Variants in GPR158 observed in about 807,000 individuals in gnomAD.
GPR158 encodes the protein metabotropic glycine receptor.
GPR158 carries 30 observed loss-of-function variants against 78.2 expected under a neutral mutation model. The ratio of observed to expected loss-of-function variants is 0.38; its 90% CI spans 0.29 to 0.52. The LOEUF is 0.52. Ranked by LOEUF, GPR158 falls within the 20% of genes least tolerant of loss-of-function variation. GPR158 has a pLI of 0.83. For missense variants in GPR158, 1,463 were observed against 1,523.5 expected (o/e 0.96, Z 0.66); for synonymous variants, 581 against 591.1 (o/e 0.98, Z 0.25).
intron 5 of GPR158, among the ~76,000 whole-genome samples, chr10:25,483,357 T>C (rs1042883963): frequency 3.3e-5 from 5 of 152,074 alleles, no homozygotes; most frequent in African/African-American, 1.2e-4. Flanking sequence ...GCGCTTGCAC[T>C]GACTATTGCT....
chr10:25,449,861 A>C lies in GPR158; in HGVS notation c.1336-16790A>C, dbSNP rs540758453. Among the ~76,000 whole-genome samples, 38 of 152,244 alleles carry C rather than the reference A, an allele frequency of 2.5e-4. 1 individual carries two copies. Among genetic ancestry groups the C allele is most frequent in the Admixed American group, 7.8e-4 (12 of 15,300 alleles). ...AATTTTCCAATTAAAATTTTTAAAAAATTTATCCCAATACACCCAGTTATA... is the reference window on the plus strand; with the variant it reads ...AATTTTCCAATTAAAATTTTTAAAACATTTATCCCAATACACCCAGTTATA... On this transcript the variant is annotated intron_variant, in intron 4 of 10. Coordinates refer to ENST00000376351, the MANE Select transcript of GPR158 (RefSeq NM_020752.3).
chr10:25,514,437 C>T (rs1318023107), intron 5 of GPR158, among the ~76,000 whole-genome samples: 1 of 152,026 alleles, frequency 6.6e-6, no homozygotes, highest in Non-Finnish European at 1.5e-5. Context: ...TTGAAGACAG[C>T]AGTTACTTGG....
At position 25,175,940 on chromosome 10, in the gene GPR158, G is replaced by C. The variant is rs756345759; in HGVS notation, c.520G>C (p.Ala174Pro). Reference sequence around the variant, plus strand: ...GGAGGGCGAGCCCAGCATCTCCCGGGCGGCCATCACCTTCAGCACCGATTC... The same window carrying C: ...GGAGGGCGAGCCCAGCATCTCCCGGCCGGCCATCACCTTCAGCACCGATTC... ...LLEGEPSISR[A>P]AITFSTDSLS... The change falls in exon 1 of 11, where the codon GCG (alanine) becomes CCG (proline). Residue 174 changes from alanine (A) to proline (P), a missense_variant. Coordinates refer to ENST00000376351, the MANE Select transcript of GPR158 (RefSeq NM_020752.3). This position sits in a 1 kb window ranked among gnomAD's most constrained non-coding sequence, Gnocchi z 6.4. 1 of 1,613,520 alleles carries C rather than the reference G, an allele frequency of 6.2e-7. No homozygotes were observed. Among genetic ancestry groups the C allele is most frequent in the Non-Finnish European group, 8.5e-7 (1 of 1,179,978 alleles).
chr10:25,467,702 G>T (rs1835444260), intron 5 of GPR158, among the ~76,000 whole-genome samples: 1 of 152,148 alleles, frequency 6.6e-6, no homozygotes, highest in South Asian at 2.1e-4. Flanking sequence ...CAAGAGAAGA[G>T]TGGGCTGGTC....
In GPR158 at chr10:25,204,616, G is replaced by C. The variant is rs1852989816; in HGVS notation, c.903-16436G>C. On this transcript the variant is annotated intron_variant, in intron 1 of 10. Transcript: ENST00000376351. The stretch of plus-strand genomic sequence containing the variant: ...CAGGGTTGAAGCCCACTTGATCATG[G>C]TGGATAAGCTTTTTGATGTCCTGTT... 2.0e-5 allele frequency among the ~76,000 whole-genome samples: 3 copies of C among 152,170 alleles called. No homozygotes were observed. In the South Asian group the frequency reaches 6.2e-4, roughly 32 times the overall value.
chr10:25,337,339 G>T (rs915165994), intron 2 of GPR158, among the ~76,000 whole-genome samples: 1 of 151,960 alleles, frequency 6.6e-6, no homozygotes, highest in Non-Finnish European at 1.5e-5. Flanking sequence ...TTCCTCAAGG[G>T]TAAACACATT....
At chr10:25,494,513 T>G (rs78528633) in intron 5 of GPR158, among the ~76,000 whole-genome samples, 1 of 152,214 alleles carries the variant, frequency 6.6e-6, no homozygotes, top group East Asian at 1.9e-4. Flanking sequence ...GGATTGCTAC[T>G]GTAGATAATA....
intron 5 of GPR158, among the ~76,000 whole-genome samples, chr10:25,533,826 C>G (rs1836456252): frequency 6.6e-6 from 1 of 152,116 alleles, no homozygotes; most frequent in Non-Finnish European, 1.5e-5. Context: ...AGCTCAGACT[C>G]CAGACCCCAG....
intron 2 of GPR158, among the ~76,000 whole-genome samples, chr10:25,354,384 G>A (rs114098381): frequency 6.6e-6 from 1 of 150,900 alleles, no homozygotes; most frequent in African/African-American, 2.4e-5. Context: ...ATTAAGGAGA[G>A]GACAACTTAC....
chr10:25,329,253 G>C (rs1855083269), intron 2 of GPR158, among the ~76,000 whole-genome samples: 1 of 151,882 alleles, frequency 6.6e-6, no homozygotes, highest in South Asian at 2.1e-4. Context: ...TGGCTAACAC[G>C]GTGAAACCCT....
intron 4 of GPR158, among the ~76,000 whole-genome samples, chr10:25,422,690 A>G (rs1834767141): frequency 1.3e-5 from 2 of 149,006 alleles, no homozygotes; most frequent in South Asian, 4.2e-4. Context: ...CTGAGATTGG[A>G]GAATTTCTTG....
At chr10:25,516,864 G>C (rs1292706429) in intron 5 of GPR158, among the ~76,000 whole-genome samples, 2 of 125,812 alleles carry the variant, frequency 1.6e-5, no homozygotes, top group East Asian at 4.5e-4. Context: ...GCTCTTTTTT[G>C]GTTCCATATG....
rs1837501203 is a variant in GPR158, at chr10:25,601,683, G to A, written c.*2409G>A. 6.6e-6 allele frequency: 1 copy of A among 152,594 alleles called. No individual in the cohort carries two copies. The highest frequency in any genetic ancestry group is 1.5e-5 in the Non-Finnish European group (1 of 68,028). The allele number at this position is 152,594 out of a possible 1,614,324, so 9.5% of individuals were successfully genotyped here. A position where few individuals can be genotyped will look rare whatever the true frequency, so the allele number is the denominator to read the frequency against. ...TTCATTGCCATTATCAACAAGAGAA[G>A]TTGAAATTTACAAGTCAGGAGGTTA... On this transcript the variant is annotated 3_prime_UTR_variant, in exon 11 of 11. Coordinates refer to ENST00000376351, the MANE Select transcript of GPR158 (RefSeq NM_020752.3).
In GPR158 at chr10:25,598,043, C is replaced by A. The variant is rs1209605065; in HGVS notation, c.2417C>A (p.Thr806Asn). ...AACACAGGGAAATCCAAGGAGGAGA[C>A]CCTGAAAAACCGAGTCTTCTCACTC... is the stretch of plus-strand genomic sequence containing the variant. Reference protein sequence around the residue: ...SGNTGKSKEETLKNRVFSLKK... With the variant: ...SGNTGKSKEENLKNRVFSLKK... Residue 806 changes from threonine to asparagine, a missense_variant, in exon 11 of 11, where the codon ACC becomes AAC. Thr to Asn is a moderately conservative substitution (Grantham distance 65). Coordinates refer to ENST00000376351, the MANE Select transcript of GPR158 (RefSeq NM_020752.3). The A allele has an allele frequency of 6.2e-7, 1 of 1,614,046 alleles. No individual in the cohort carries two copies. The highest frequency in any genetic ancestry group is 8.5e-7 in the Non-Finnish European group (1 of 1,180,030).
chr10:25,439,987 C>G (rs72782131), intron 4 of GPR158, among the ~76,000 whole-genome samples: 1 of 152,288 alleles, frequency 6.6e-6, no homozygotes, highest in Non-Finnish European at 1.5e-5. Flanking sequence ...AATCAGAGCT[C>G]CATCTTATCT....
intron 5 of GPR158, among the ~76,000 whole-genome samples, chr10:25,477,130 C>T (rs765096164): frequency 2.0e-5 from 3 of 151,714 alleles, no homozygotes; most frequent in South Asian, 2.1e-4. Context: ...CATTTTTTTG[C>T]GATGTAGAAA....
chr10:25,385,892 C>G (rs950961750), intron 2 of GPR158, among the ~76,000 whole-genome samples: 3 of 152,120 alleles, frequency 2.0e-5, no homozygotes, highest in African/African-American at 7.2e-5. Context: ...AATGTTTTCT[C>G]CCATTCTGTA....
intron 7 of GPR158, among the ~76,000 whole-genome samples, chr10:25,577,245 C>A (rs1484308122): frequency 6.6e-6 from 1 of 152,004 alleles, no homozygotes; most frequent in Non-Finnish European, 1.5e-5. Flanking sequence ...AAAAATAAAT[C>A]CACATATCTT....
At chr10:25,434,333 C>A (rs1196287833) in intron 4 of GPR158, among the ~76,000 whole-genome samples, 1 of 152,154 alleles carries the variant, frequency 6.6e-6, no homozygotes, top group Non-Finnish European at 1.5e-5. Flanking sequence ...TTACCACATT[C>A]TCTTGAGGTA....
Sources: allele counts gnomAD v4.1 joint callset (sites outside exome capture counted in the v4.1 genomes callset), GRCh38; gene constraint gnomAD v4.1.1; non-coding constraint Gnocchi (gnomAD v3.1); transcripts MANE v1.5; gene names NCBI Gene and HGNC (gene_info 2026-07-23, HGNC 2026-07-21).